Variants in IRAG2 observed in about 807,000 individuals in gnomAD.
The protein encoded by IRAG2 is inositol 1,4,5-triphosphate receptor associated 2.
IRAG2 carries 45 observed loss-of-function variants against 69.9 expected under a neutral mutation model. That is an observed-to-expected ratio of 0.64 (90% CI 0.51 to 0.83). The LOEUF (loss-of-function observed/expected upper bound fraction) is 0.83, where lower values mean the gene tolerates loss of function less well. IRAG2 is among the 40% of genes least tolerant of loss of function. The pLI is 0.00. For synonymous variants in IRAG2, 193 were observed against 202.4 expected, an observed-to-expected ratio of 0.95 and a Z score of 0.40; for missense variants, 520 against 587.0, an observed-to-expected ratio of 0.89 and a Z score of 1.18.
chr12:25,093,830 C>T (rs1279451866), intron 14 of IRAG2: 2 of 153,620 alleles, frequency 1.3e-5, no homozygotes, highest in African/African-American at 2.4e-5. Context: ...AGGATGTATT[C>T]TTCATAAAAT....
intron 1 of IRAG2, among the ~76,000 whole-genome samples, chr12:25,057,842 C>T (rs1683170): frequency 6.6e-6 from 1 of 152,152 alleles, no homozygotes; most frequent in Non-Finnish European, 1.5e-5. Context: ...TTAGCCTGTT[C>T]TAGAACTCAG....
intron 3 of IRAG2, among the ~76,000 whole-genome samples, chr12:25,012,144 CTTTTTTTTTTTTT>C (rs1044436895): frequency 3.3e-5 from 1 of 30,368 alleles, no homozygotes; most frequent in African/African-American, 1.5e-4. Context: ...AGCGAATTCC[CTTTTTTTTTTTTT>C]TTTTTTTTTT....
intron 8 of IRAG2, among the ~76,000 whole-genome samples, chr12:25,026,560 A>G (rs1282897630): frequency 6.6e-6 from 1 of 152,158 alleles, no homozygotes; most frequent in Non-Finnish European, 1.5e-5. Flanking sequence ...GAAAGCCAAG[A>G]GGTGGTTGTT....
chr12:25,079,348 G>A (rs180952035), intron 7 of IRAG2, 50 bp from the exon 8 acceptor site: 40 of 1,609,964 alleles, frequency 2.5e-5, no homozygotes, highest in Admixed American at 1.8e-4. Context: ...GGTTTTAAGA[G>A]AATTATTTGG....
At chr12:25,081,920 G>A (rs1021491375) in intron 9 of IRAG2, among the ~76,000 whole-genome samples, 5 of 152,146 alleles carry the variant, frequency 3.3e-5, no homozygotes, top group East Asian at 1.9e-4. Context: ...ACATGGGGAC[G>A]GTCTTACTCT....
chr12:25,025,522 A>ACAAAG (rs1160807593), intron 8 of IRAG2, among the ~76,000 whole-genome samples: 14 of 150,656 alleles, frequency 9.3e-5, no homozygotes, highest in African/African-American at 2.5e-4. Flanking sequence ...ACAAAACAAA[A>ACAAAG]CAAAAAAAAC....
At chr12:24,999,708 A>G (rs1281363236), upstream of IRAG2, among the ~76,000 whole-genome samples, 1 of 152,128 alleles carries the variant, frequency 6.6e-6, no homozygotes, top group African/African-American at 2.4e-5. Flanking sequence ...AGATGCTCCT[A>G]AATTTTTCCT....
chr12:25,086,188 GA>G (rs1166098141), intron 10 of IRAG2, among the ~76,000 whole-genome samples: 1 of 152,200 alleles, frequency 6.6e-6, no homozygotes, highest in Non-Finnish European at 1.5e-5. Flanking sequence ...CAGATGAGAT[GA>G]AGGTAGTATG....
At chr12:25,030,575 C>A (rs778578065) in intron 10 of IRAG2, among the ~76,000 whole-genome samples, 1 of 152,014 alleles carries the variant, frequency 6.6e-6, no homozygotes, top group Non-Finnish European at 1.5e-5. Context: ...TTAGTAGAGA[C>A]GGGGTTTCCT....
At position 25,081,808 on chromosome 12, in the gene IRAG2, C is replaced by T. The variant is rs138529458; in HGVS notation, c.245-1615C>T. ...TAAGGAGACTTTTTTCTTACAATAA[C>T]ATAAAAGGACTACTGTTTCTTGGGG... On this transcript the variant is annotated intron_variant, in intron 9 of 21. Transcript: ENST00000556887. 2.3e-3 allele frequency among the ~76,000 whole-genome samples: 351 copies of T among 152,092 alleles called. 2 individuals are homozygous for T. Among genetic ancestry groups the T allele is most frequent in the African/African-American group, 7.9e-3 (329 of 41,488 alleles).
upstream of IRAG2, among the ~76,000 whole-genome samples, chr12:25,049,407 T>C (rs1268307129): frequency 2.6e-5 from 4 of 152,206 alleles, no homozygotes; most frequent in Admixed American, 2.6e-4. Flanking sequence ...GTTTGTGTCC[T>C]CTCTGATTTC....
chr12:25,013,265 C>T (rs1037392078), intron 3 of IRAG2, among the ~76,000 whole-genome samples: 2 of 152,104 alleles, frequency 1.3e-5, no homozygotes, highest in African/African-American at 4.8e-5. Context: ...TCACCTGAGG[C>T]CAGGAGTTTG....
At chr12:25,076,025 G>C (rs911156150) in intron 6 of IRAG2, among the ~76,000 whole-genome samples, 1 of 151,936 alleles carries the variant, frequency 6.6e-6, no homozygotes, top group Non-Finnish European at 1.5e-5. Context: ...CCAACCCCTT[G>C]AGGGTTTCAT....
intron 16 of IRAG2, among the ~76,000 whole-genome samples, chr12:25,043,479 C>A (rs775571179): frequency 6.6e-6 from 1 of 152,216 alleles, no homozygotes. Context: ...GGAGCCCCTA[C>A]TCCCAGCTCA....
At chr12:25,048,909 T>C (rs528814329), upstream of IRAG2, among the ~76,000 whole-genome samples, 113 of 152,352 alleles carry the variant, frequency 7.4e-4, no homozygotes, top group African/African-American at 2.6e-3. Context: ...TTACACTTAG[T>C]CTTTAATCTA....
chr12:25,101,785 A>G (rs926766614), intron 16 of IRAG2, among the ~76,000 whole-genome samples: 2 of 152,254 alleles, frequency 1.3e-5, no homozygotes, highest in Admixed American at 6.5e-5. Context: ...GGAGTAACAT[A>G]TCGTTTCTAT....
intron 6 of IRAG2, chr12:25,076,581 A>G (rs1407934270): frequency 2.0e-6 from 2 of 983,216 alleles, no homozygotes; most frequent in African/African-American, 1.7e-5. Context: ...AATGGAATAG[A>G]AAATAAGAAC....
chr12:24,997,693 G>A, the IRAG2 span: 2 of 153,208 alleles, frequency 1.3e-5, no homozygotes, highest in Non-Finnish European at 2.9e-5. Context: ...AGAAAGTACC[G>A]CCCTAACCAG....
intron 16 of IRAG2, among the ~76,000 whole-genome samples, chr12:25,044,274 C>T (rs1157445019): frequency 2.0e-5 from 3 of 151,542 alleles, no homozygotes; most frequent in Non-Finnish European, 2.9e-5. Context: ...ATAGAGCAGA[C>T]ACACACACAA....
Sources: allele counts gnomAD v4.1 joint callset (sites outside exome capture counted in the v4.1 genomes callset), GRCh38; gene constraint gnomAD v4.1.1; transcripts MANE v1.5; gene names NCBI Gene and HGNC (gene_info 2026-07-23, HGNC 2026-07-21).